The following TJP2 variants were observed in gnomAD, a reference collection of about 807,000 sequenced individuals.
The protein encoded by TJP2 is Friedreich ataxia region gene X104 (tight junction protein ZO-2).
In TJP2, 91 loss-of-function variants were observed where a neutral mutation model predicts 133.1. That is an observed-to-expected ratio of 0.68 (90% CI 0.58 to 0.81). The LOEUF (loss-of-function observed/expected upper bound fraction) is 0.81, where lower values mean the gene tolerates loss of function less well. TJP2 is among the 40% of genes least tolerant of loss of function. The probability of loss-of-function intolerance (pLI) is 0.00; values close to 1 mark genes in which losing one functional copy is unlikely to be tolerated. For missense variants in TJP2, 1,541 were observed against 1,565.6 expected (o/e 0.98, Z 0.26); for synonymous variants, 592 against 583.4 (o/e 1.01, Z -0.21).
At chr9:69,219,661 C>T (rs865943422) in intron 4 of TJP2, among the ~76,000 whole-genome samples, 2 of 151,978 alleles carry the variant, frequency 1.3e-5, no homozygotes, top group African/African-American at 2.4e-5. Flanking sequence ...TGGGTTCAAG[C>T]GATCCTTCCA....
intron 2 of TJP2, among the ~76,000 whole-genome samples, chr9:69,156,870 C>CA (rs754919428): frequency 6.6e-6 from 1 of 152,168 alleles, no homozygotes; most frequent in Non-Finnish European, 1.5e-5. Context: ...CAGGACAACT[C>CA]AAAAGGGGTA....
chr9:69,164,619 C>T (rs1040890848), intron 2 of TJP2, among the ~76,000 whole-genome samples: 10 of 152,096 alleles, frequency 6.6e-5, no homozygotes, highest in African/African-American at 2.4e-4. Flanking sequence ...AAACTTGATT[C>T]CCCAGCATTG....
intron 2 of TJP2, among the ~76,000 whole-genome samples, chr9:69,152,546 G>T (rs73449129): frequency 0.016 from 2,462 of 152,150 alleles, 57 homozygotes; most frequent in African/African-American, 0.056. Flanking sequence ...GCAGATAGTC[G>T]TTCAGATCCT....
chr9:69,135,373 T>A (rs1177410892), intron 1 of TJP2, among the ~76,000 whole-genome samples: 1 of 152,058 alleles, frequency 6.6e-6, no homozygotes, highest in African/African-American at 2.4e-5. Flanking sequence ...TTTAAGTGAT[T>A]TGCTAATTAA....
chr9:69,234,587 T>TG, intron 12 of TJP2, 40 bp downstream of exon 12: 6 of 283,036 alleles, frequency 2.1e-5, no homozygotes, highest in South Asian at 6.3e-5. Context: ...GGGGTGGGGG[T>TG]GGGGAGTGGG....
intron 2 of TJP2, among the ~76,000 whole-genome samples, chr9:69,166,471 C>T (rs962833018): frequency 2.7e-5 from 4 of 150,608 alleles, no homozygotes; most frequent in Non-Finnish European, 4.4e-5. Flanking sequence ...GGCCAGGCAC[C>T]GTGGCTCATG....
chr9:69,239,848 T>G, intron 16 of TJP2, 89 bp from the exon 17 acceptor site: 1 of 1,037,358 alleles, frequency 9.6e-7, no homozygotes, highest in Non-Finnish European at 1.5e-6. Context: ...AAGATATATC[T>G]CATACAGCCT....
chr9:69,176,207 C>T (rs923509359), intron 1 of TJP2, among the ~76,000 whole-genome samples: 6 of 152,142 alleles, frequency 3.9e-5, no homozygotes, highest in Non-Finnish European at 8.8e-5. Flanking sequence ...TTACCTCACC[C>T]GAGCAAGCCA....
Position 69,230,155 on chromosome 9 carries a change from G to A in TJP2, c.1594G>A (p.Gly532Arg), listed in dbSNP as rs748191387. Residue 532 changes from glycine (G) to arginine (R), a missense_variant, in exon 11 of 23, where the codon GGG becomes AGG. By Grantham distance (125) the Gly-to-Arg change is moderately radical. Transcript: ENST00000377245. ...GLRLAGGNDV[G>R]IFVAGIQEGT... ...CCGGTTGGCTGGTGGCAATGATGTCGGGATATTTGTTGCTGGCATTCAAGA... is the reference window on the plus strand; with the variant it reads ...CCGGTTGGCTGGTGGCAATGATGTCAGGATATTTGTTGCTGGCATTCAAGA... The A allele has an allele frequency of 2.5e-6, 4 of 1,614,074 alleles. No individual in the cohort carries two copies. Among genetic ancestry groups the A allele is most frequent in the African/African-American group, 1.3e-5 (1 of 74,932 alleles).
At chr9:69,212,694 T>A in intron 2 of TJP2, 93 bp downstream of exon 2, 1 of 1,016,890 alleles carries the variant, frequency 9.8e-7, no homozygotes, top group Non-Finnish European at 1.5e-6. Flanking sequence ...CAGTTTTGGC[T>A]TTTTTTTTCC....
intron 2 of TJP2, among the ~76,000 whole-genome samples, chr9:69,153,732 C>T (rs1218756280): frequency 6.6e-6 from 1 of 152,192 alleles, no homozygotes; most frequent in African/African-American, 2.4e-5. Flanking sequence ...CTGACTCTAG[C>T]CAGCCCCTCC....
At chr9:69,244,308 A>AC (rs1588147428) in intron 17 of TJP2, among the ~76,000 whole-genome samples, 1 of 151,856 alleles carries the variant, frequency 6.6e-6, no homozygotes, top group East Asian at 1.9e-4. Context: ...GATACCCCAT[A>AC]CCCATTAGCA....
rs138111268 is a variant in TJP2, at chr9:69,145,381, G to A, written c.-130-6270G>A. Among the ~76,000 whole-genome samples, 606 of 152,260 alleles carry A rather than the reference G, an allele frequency of 4.0e-3. 4 individuals carry two copies. The highest frequency in any genetic ancestry group is 0.013 in the African/African-American group (541 of 41,552). The stretch of plus-strand genomic sequence containing the variant: ...AGCCATTAGTTCTTGAAGGATTAGC[G>A]GCCTCAAAGATTTATGTGCGGATTA... On this transcript the variant is annotated intron_variant, in intron 1 of 5. Transcript: ENST00000423935.
At chr9:69,158,151 A>C (rs1564388690) in intron 2 of TJP2, among the ~76,000 whole-genome samples, 1 of 151,622 alleles carries the variant, frequency 6.6e-6, no homozygotes, top group Non-Finnish European at 1.5e-5. Flanking sequence ...CATCTCTACT[A>C]AAAAACAAAA....
Position 69,220,988 on chromosome 9 carries a change from C to A in TJP2, c.444C>A (p.Gly148=). The change falls in exon 5 of 23, where the codon GGC becomes GGA. Residue 148 remains glycine (G), a synonymous_variant. Coordinates refer to ENST00000377245, the MANE Select transcript of TJP2 (RefSeq NM_004817.4). ...TTGAGGTGATGGACGAGTTTGATGG[C>A]AGAAGTTTCCGGAGTGGCTACAGCG... The part of the protein sequence containing the change: ...RAFEVMDEFD[G]RSFRSGYSER... 6.2e-7 allele frequency: 1 copy of A among 1,612,716 alleles called. No individual in the cohort carries two copies. The highest frequency in any genetic ancestry group is 8.5e-7 in the Non-Finnish European group (1 of 1,179,824).
chr9:69,176,951 G>T (rs1825136534), intron 1 of TJP2, among the ~76,000 whole-genome samples: 1 of 152,074 alleles, frequency 6.6e-6, no homozygotes, highest in Non-Finnish European at 1.5e-5. Context: ...TTGGGGAGAG[G>T]CATGAAGTTT....
chr9:69,230,216 G>A lies in TJP2; in HGVS notation c.1655G>A (p.Gly552Glu). The A allele has an allele frequency of 2.5e-6, 4 of 1,614,188 alleles. No individual in the cohort carries two copies. The highest frequency in any genetic ancestry group is 3.4e-6 in the Non-Finnish European group (4 of 1,180,018). Residue 552 changes from glycine to glutamate, a missense_variant, in exon 11 of 23, where the codon GGA becomes GAA. Transcript: ENST00000377245. ...TSAEQEGLQE[G>E]DQILKVNTQD... ...GCGGAGCAGGAGGGCCTTCAAGAAG[G>A]AGACCAGATTCTGAAGGTAAGAACA...
At chr9:69,203,484 A>G (rs1344445517) in intron 1 of TJP2, among the ~76,000 whole-genome samples, 1 of 151,236 alleles carries the variant, frequency 6.6e-6, no homozygotes, top group East Asian at 1.9e-4. Flanking sequence ...GTGTGTTTTT[A>G]GTAGAGACGA....
intron 1 of TJP2, among the ~76,000 whole-genome samples, chr9:69,199,565 C>T (rs946605501): frequency 2.6e-5 from 4 of 152,222 alleles, no homozygotes; most frequent in East Asian, 1.9e-4. Context: ...CACGTACGCA[C>T]GCACCAGAGG....
Sources: allele counts gnomAD v4.1 joint callset (sites outside exome capture counted in the v4.1 genomes callset), GRCh38; gene constraint gnomAD v4.1.1; transcripts MANE v1.5; gene names NCBI Gene and HGNC (gene_info 2026-07-23, HGNC 2026-07-21).